Variants in CFAP20DC observed in about 807,000 individuals in gnomAD.
The protein encoded by CFAP20DC is protein CFAP20DC.
A neutral mutation model predicts 101.7 loss-of-function variants in CFAP20DC; 84 were observed. The ratio of observed to expected loss-of-function variants is 0.83; its 90% confidence interval spans 0.69 to 0.99. The LOEUF is 0.99. CFAP20DC is among the 50% of genes least tolerant of loss of function. CFAP20DC has a pLI of 0.00. For missense variants in CFAP20DC, 1,007 were observed against 970.3 expected, an observed-to-expected ratio of 1.04 and a Z score of -0.50; for synonymous variants, 359 against 351.2, an observed-to-expected ratio of 1.02 and a Z score of -0.25.
At chr3:59,044,729 G>A (rs533999869) in intron 3 of CFAP20DC, among the ~76,000 whole-genome samples, 3 of 151,952 alleles carry the variant, frequency 2.0e-5, no homozygotes, top group East Asian at 1.9e-4. Flanking sequence ...TACATACTGA[G>A]GGCATTAAAT....
rs574559736 is a variant in CFAP20DC at position 59,046,111 on chromosome 3, C to A, written c.205+118G>T. 3.7e-4 allele frequency: 266 copies of A among 712,174 alleles called. 1 individual carries two copies. The East Asian group carries it at 7.6e-3, about 20-fold the overall frequency. The allele number at this position is 712,174 out of a possible 1,614,324, so 44.1% of individuals were successfully genotyped here. A position where few individuals can be genotyped will look rare whatever the true frequency, so the allele number is the denominator to read the frequency against. On this transcript the variant is annotated intron_variant, in intron 3 of 16. Coordinates refer to ENST00000482387, the MANE Select transcript of CFAP20DC (RefSeq NM_001394063.1). ...TGCCCTCTAAATTAAAAAAAAAATT[C>A]TATCATCTTACATAAATAGATGTCA...
At chr3:58,994,395 C>G in intron 4 of CFAP20DC, among the ~76,000 whole-genome samples, 1 of 151,970 alleles carries the variant, frequency 6.6e-6, no homozygotes, top group East Asian at 1.9e-4. Context: ...TTCTATCATT[C>G]TGGTAAGAAT....
intron 4 of CFAP20DC, among the ~76,000 whole-genome samples, chr3:59,012,035 C>T (rs1005141253): frequency 4.6e-5 from 7 of 151,938 alleles, no homozygotes; most frequent in African/African-American, 2.4e-5. Context: ...ACTGGCGCTT[C>T]GAAATAAAGC....
chr3:58,806,602 T>C, intron 14 of CFAP20DC, 146 bp from the exon 15 acceptor site: 1 of 655,760 alleles, frequency 1.5e-6, no homozygotes, highest in South Asian at 1.6e-5. Flanking sequence ...GACGGCCGAA[T>C]AGGAACAGCT....
intron 7 of CFAP20DC, 88 bp from the exon 8 acceptor site, chr3:58,870,397 G>A: frequency 1.5e-6 from 2 of 1,364,376 alleles, no homozygotes; most frequent in East Asian, 4.6e-5. Flanking sequence ...TCCAGTCCAG[G>A]TGCCATAGGA....
In CFAP20DC at chr3:58,814,066, A is replaced by G. The variant is rs542675826; in HGVS notation, c.2176-7610T>C. On this transcript the variant is annotated intron_variant, in intron 14 of 16. Transcript: ENST00000482387. ...ATAACAAATTCATTGGTATTCGTCCAGTATTTCAGCTGTACTCAGGTCTCC... is the reference window on the plus strand; with the variant it reads ...ATAACAAATTCATTGGTATTCGTCCGGTATTTCAGCTGTACTCAGGTCTCC... Among the ~76,000 whole-genome samples the G allele has an allele frequency of 1.3e-3, 204 of 152,040 alleles. 4 individuals are homozygous for G. In the Middle Eastern group the frequency reaches 0.014, roughly 10 times the overall value.
At chr3:58,884,409 G>C (rs748808830) in intron 7 of CFAP20DC, 136 bp downstream of exon 7, 55 of 702,618 alleles carry the variant, frequency 7.8e-5, no homozygotes, top group Non-Finnish European at 1.2e-4. Context: ...CCCCTGGCGT[G>C]GTATGTGGCA....
rs182844803 is a variant in CFAP20DC, at chr3:58,863,899, G to C, written c.1259-7C>G. 4.4e-6 allele frequency: 7 copies of C among 1,593,140 alleles called. No individual in the cohort carries two copies. The highest frequency in any genetic ancestry group is 5.1e-6 in the Non-Finnish European group (6 of 1,170,416). On this transcript the variant is annotated splice_region_variant and splice_polypyrimidine_tract_variant and intron_variant, in intron 11 of 16. Transcript: ENST00000482387. The surrounding 1 kb of genome is among the most constrained non-coding windows in gnomAD (Gnocchi z 5.9). ...TCAGGAAAAATCCACTCATCTGACAGTTGGAAAAGATGACAAAAATTAGAG... is the reference window on the plus strand; with the variant it reads ...TCAGGAAAAATCCACTCATCTGACACTTGGAAAAGATGACAAAAATTAGAG...
At chr3:58,848,822 A>C (rs1033184298) in intron 13 of CFAP20DC, among the ~76,000 whole-genome samples, 3 of 152,216 alleles carry the variant, frequency 2.0e-5, no homozygotes, top group African/African-American at 7.2e-5. Context: ...TTCTCATTAA[A>C]AACATGAGGT....
intron 4 of CFAP20DC, among the ~76,000 whole-genome samples, chr3:58,989,686 C>T (rs1218500907): frequency 6.6e-6 from 1 of 152,072 alleles, no homozygotes; most frequent in Non-Finnish European, 1.5e-5. Flanking sequence ...ACTTCACAAG[C>T]AGATGATTAT....
At chr3:58,730,970 T>C (rs1429737922) in intron 3 of CFAP20DC, among the ~76,000 whole-genome samples, 4 of 152,166 alleles carry the variant, frequency 2.6e-5, no homozygotes. Flanking sequence ...CCAGCTCAAA[T>C]GGCTCTTTTG....
chr3:58,974,050 C>T (rs960295361), intron 4 of CFAP20DC, among the ~76,000 whole-genome samples: 9 of 152,140 alleles, frequency 5.9e-5, no homozygotes, highest in African/African-American at 1.7e-4. Context: ...GGCTACCTCC[C>T]AGGACACAGA....
chr3:58,935,978 G>A (rs2087528725), intron 5 of CFAP20DC, among the ~76,000 whole-genome samples: 1 of 151,996 alleles, frequency 6.6e-6, no homozygotes, highest in Non-Finnish European at 1.5e-5. Context: ...CCATCAGAGT[G>A]AACAGGCAAC....
intron 15 of CFAP20DC, among the ~76,000 whole-genome samples, chr3:58,765,489 C>CAAAAAAAAAAAAAAAAAAAA: frequency 9.2e-6 from 1 of 108,718 alleles, no homozygotes; most frequent in Non-Finnish European, 1.9e-5. Context: ...AAAAAAAAAA[C>CAAAAAAAAAAAAAAAAAAAA]CAAAAAAAAA....
intron 4 of CFAP20DC, among the ~76,000 whole-genome samples, chr3:59,000,235 C>T (rs538724012): frequency 1.2e-4 from 18 of 152,222 alleles, no homozygotes; most frequent in South Asian, 4.1e-4. Context: ...TTTCTTTTAG[C>T]GAGGCTCTCT....
intron 4 of CFAP20DC, among the ~76,000 whole-genome samples, chr3:58,987,692 C>T (rs985434010): frequency 2.0e-5 from 3 of 151,836 alleles, no homozygotes; most frequent in African/African-American, 7.2e-5. Flanking sequence ...TCTATAAACT[C>T]TCACATAACT....
chr3:58,777,040 G>A (rs2071397645), intron 15 of CFAP20DC, among the ~76,000 whole-genome samples: 1 of 150,268 alleles, frequency 6.7e-6, no homozygotes, highest in South Asian at 2.1e-4. Context: ...CTATTCCTAA[G>A]AAAGAGAGCT....
chr3:58,987,053 T>TA (rs1490670706), intron 4 of CFAP20DC, among the ~76,000 whole-genome samples: 17 of 151,942 alleles, frequency 1.1e-4, no homozygotes, highest in African/African-American at 4.1e-4. Flanking sequence ...AATTTTTTAA[T>TA]AAAAAAGGAC....
chr3:59,014,085 G>T lies in CFAP20DC; in HGVS notation c.278+25472C>A, dbSNP rs2093642765. ...GATAGGACAGCTAATTTAAACAGTT[G>T]TTTGCACATTCAATATTTATAACCC... On this transcript the variant is annotated intron_variant, in intron 4 of 16. Coordinates refer to ENST00000482387, the MANE Select transcript of CFAP20DC (RefSeq NM_001394063.1). The surrounding 1 kb of genome is among the most constrained non-coding windows in gnomAD (Gnocchi z 4.9). Among the ~76,000 whole-genome samples the T allele has an allele frequency of 6.6e-6, 1 of 152,154 alleles. No individual in the cohort carries two copies. The highest frequency in any genetic ancestry group is 1.5e-5 in the Non-Finnish European group (1 of 68,028).
Sources: allele counts gnomAD v4.1 joint callset (sites outside exome capture counted in the v4.1 genomes callset), GRCh38; gene constraint gnomAD v4.1.1; non-coding constraint Gnocchi (gnomAD v3.1); transcripts MANE v1.5; gene names NCBI Gene and HGNC (gene_info 2026-07-23, HGNC 2026-07-21).